ROS1: variants seen among roughly 807,000 people sequenced by gnomAD.
ROS1 encodes proto-oncogene tyrosine-protein kinase ROS.
A neutral mutation model predicts 273.5 loss-of-function variants in ROS1; 263 were observed. That is an observed-to-expected ratio of 0.96 (90% CI 0.87 to 1.06). The LOEUF (loss-of-function observed/expected upper bound fraction) is 1.06, where lower values mean the gene tolerates loss of function less well. Ranked by LOEUF, ROS1 falls within the 50% of genes least tolerant of loss-of-function variation. The pLI, the probability that ROS1 is intolerant of heterozygous loss-of-function variation, is 0.00. For synonymous variants in ROS1, 1,008 were observed against 954.1 expected (o/e 1.06, Z -1.04); for missense variants, 2,833 against 2,751.1 (o/e 1.03, Z -0.67).
intron 12 of ROS1, among the ~76,000 whole-genome samples, chr6:117,391,964 A>T (rs777913643): frequency 6.6e-6 from 1 of 152,218 alleles, no homozygotes; most frequent in Admixed American, 6.5e-5. Flanking sequence ...TTCTAGTCAC[A>T]TTGCAAAATC....
At chr6:117,411,891 A>G (rs191139473) in intron 4 of ROS1, among the ~76,000 whole-genome samples, 10 of 152,356 alleles carry the variant, frequency 6.6e-5, no homozygotes, top group Admixed American at 6.5e-4. Flanking sequence ...TTAAAAAGAA[A>G]AAATAATTCT....
intron 27 of ROS1, among the ~76,000 whole-genome samples, chr6:117,346,808 G>A (rs1157472875): frequency 6.6e-6 from 1 of 152,030 alleles, no homozygotes; most frequent in Admixed American, 6.6e-5. Context: ...ACATTTTACG[G>A]GTTTGGACAA....
chr6:117,359,794 T>G lies in ROS1; in HGVS notation c.3633+15A>C, dbSNP rs749638466. The G allele has an allele frequency of 1.2e-6, 2 of 1,605,976 alleles. No homozygotes were observed. Among genetic ancestry groups the G allele is most frequent in the South Asian group, 2.2e-5 (2 of 90,618 alleles). On this transcript the variant is annotated intron_variant, in intron 24 of 43. Coordinates refer to ENST00000368507, the MANE Select transcript of ROS1 (RefSeq NM_001378902.1). ...TTCACTTCCTTTATTTCGGAAGAATTACATAGTGAAATACCTCAGAGCTAG... is the reference window on the plus strand; with the variant it reads ...TTCACTTCCTTTATTTCGGAAGAATGACATAGTGAAATACCTCAGAGCTAG...
Position 117,288,397 on chromosome 6 carries a change from G to T in ROS1, c.*95C>A. The T allele has an allele frequency of 9.1e-7, 1 of 1,101,734 alleles. No individual in the cohort carries two copies. 68.2% of individuals were successfully genotyped at this position (1,101,734 alleles called of 1,614,324 possible). A position where few individuals can be genotyped will look rare whatever the true frequency, so the allele number is the denominator to read the frequency against. On this transcript the variant is annotated 3_prime_UTR_variant, in exon 44 of 44. Transcript: ENST00000368507. ...GTTGCATTGTTTATTTGGAGTTATAGACCACCATGACATTTATCATTCTAG... is the reference window on the plus strand; with the variant it reads ...GTTGCATTGTTTATTTGGAGTTATATACCACCATGACATTTATCATTCTAG...
At chr6:117,296,865 A>T (rs1295500929) in intron 43 of ROS1, among the ~76,000 whole-genome samples, 3 of 152,226 alleles carry the variant, frequency 2.0e-5, no homozygotes, top group African/African-American at 7.2e-5. Flanking sequence ...ATTCTCCATG[A>T]TGTGATTATT....
intron 7 of ROS1, among the ~76,000 whole-genome samples, chr6:117,402,240 C>CCTA (rs1774006756): frequency 6.6e-6 from 1 of 152,160 alleles, no homozygotes; most frequent in Non-Finnish European, 1.5e-5. Context: ...TGTTCAGCCA[C>CCTA]GTGGGCCTTC....
At chr6:117,329,954 C>T (rs1281104237) in intron 32 of ROS1, among the ~76,000 whole-genome samples, 1 of 152,170 alleles carries the variant, frequency 6.6e-6, no homozygotes, top group East Asian at 1.9e-4. Context: ...ACTGAACTCC[C>T]TGGGGGAGGG....
chr6:117,386,843 T>G (rs765355381), intron 15 of ROS1, 46 bp downstream of exon 15: 11 of 961,718 alleles, frequency 1.1e-5, no homozygotes, highest in Admixed American at 2.0e-5. Flanking sequence ...GGAAGTCTTA[T>G]GAGTAGAAAT....
At chr6:117,289,877 A>G (rs1240133609) in intron 43 of ROS1, among the ~76,000 whole-genome samples, 2 of 152,206 alleles carry the variant, frequency 1.3e-5, no homozygotes, top group Non-Finnish European at 2.9e-5. Context: ...GCCAATATGC[A>G]CTAATAGTCA....
At chr6:117,321,829 ATT>A (rs11451804) in intron 35 of ROS1, among the ~76,000 whole-genome samples, 18 of 122,988 alleles carry the variant, frequency 1.5e-4, no homozygotes, top group African/African-American at 4.0e-4. Context: ...TATAATGGCA[ATT>A]TTTTTTTTTT....
At chr6:117,310,380 ATT>A (rs372650546) in intron 40 of ROS1, 99 bp from the exon 41 acceptor site, 5,934 of 665,140 alleles carry the variant, frequency 8.9e-3, no homozygotes, top group South Asian at 0.012. Context: ...AAGAGAAACT[ATT>A]TTTTTTTTTT....
chr6:117,385,833 G>T lies in ROS1; in HGVS notation c.2139C>A (p.Tyr713Ter), dbSNP rs1336317487. The T allele has an allele frequency of 1.9e-6, 3 of 1,614,042 alleles. No individual in the cohort carries two copies. Among genetic ancestry groups the T allele is most frequent in the African/African-American group, 2.7e-5 (2 of 74,926 alleles). Residue 713 changes from tyrosine (Y) to a stop codon, truncating the protein, a stop_gained, in exon 16 of 44, where the codon TAC (tyrosine) becomes TAA (stop). Transcript: ENST00000368507. LOFTEE classifies it high-confidence loss of function. ...AAACGTCGCCTTTCGTGTCACTGTA[G>T]TAGAGGCTGTTGTTATACCAATCCA... ...SDMDWYNNSL[Y>*]YSDTKGDVFV...
chr6:117,423,255 A>G (rs551745658), intron 1 of ROS1, among the ~76,000 whole-genome samples: 12 of 152,300 alleles, frequency 7.9e-5, no homozygotes, highest in African/African-American at 2.9e-4. Flanking sequence ...GATCACCACT[A>G]AAGAATTTAC....
chr6:117,386,846 G>A (rs1188828953), intron 15 of ROS1, 43 bp downstream of exon 15: 5 of 999,982 alleles, frequency 5.0e-6, no homozygotes, highest in East Asian at 4.8e-5. Flanking sequence ...AGTCTTATGA[G>A]TAGAAATCTG....
At chr6:117,315,296 G>A (rs140912153) in intron 39 of ROS1, among the ~76,000 whole-genome samples, 1,765 of 152,050 alleles carry the variant, frequency 0.012, 20 homozygotes, top group Non-Finnish European at 0.016. Flanking sequence ...CGTTATAACA[G>A]GATTTCTAGA....
chr6:117,326,125 A>G, intron 34 of ROS1, 99 bp downstream of exon 34: 1 of 331,000 alleles, frequency 3.0e-6, no homozygotes, highest in Non-Finnish European at 5.2e-6. Flanking sequence ...ATATATATAT[A>G]TAGTCACCAT....
At chr6:117,371,725 G>C (rs185260600) in intron 18 of ROS1, among the ~76,000 whole-genome samples, 7 of 152,346 alleles carry the variant, frequency 4.6e-5, no homozygotes, top group African/African-American at 1.7e-4. Context: ...GGCTGCATGG[G>C]AGACATGGTG....
rs577872349 is a variant in ROS1 at position 117,408,835 on chromosome 6, C to T, written c.316+747G>A. ...AACCCAAATGTCCAACAATGATAGA[C>T]TGGATTAAGAAAACGTGGCACACAT... On this transcript the variant is annotated intron_variant, in intron 5 of 43. Coordinates refer to ENST00000368507, the MANE Select transcript of ROS1 (RefSeq NM_001378902.1). Among the ~76,000 whole-genome samples, 4 of 152,216 alleles carry T rather than the reference C, an allele frequency of 2.6e-5. No individual in the cohort carries two copies. In the East Asian group the frequency reaches 7.7e-4, roughly 29 times the overall value.
At chr6:117,336,347 A>G (rs1045485027) in intron 32 of ROS1, among the ~76,000 whole-genome samples, 4 of 140,906 alleles carry the variant, frequency 2.8e-5, no homozygotes, top group Non-Finnish European at 4.6e-5. Context: ...GACAGGCCCC[A>G]GTGTGTGTTG....
Sources: gnomAD v4.1 joint callset for allele counts (sites outside exome capture counted in the v4.1 genomes callset) on GRCh38, gnomAD v4.1.1 for gene constraint, MANE v1.5 for transcripts, NCBI Gene and HGNC (gene_info 2026-07-23, HGNC 2026-07-21) for gene names.